The following NSMAF variants were observed in gnomAD, a reference collection of about 807,000 sequenced individuals.
NSMAF encodes the protein protein FAN.
Under a neutral mutation model 134.9 loss-of-function variants are expected in NSMAF, and 90 were observed. The ratio of observed to expected loss-of-function variants is 0.67; its 90% CI spans 0.56 to 0.79. NSMAF has a LOEUF of 0.79. NSMAF is among the 30% of genes least tolerant of loss of function. The pLI, the probability that NSMAF is intolerant of heterozygous loss-of-function variation, is 0.00. For missense variants in NSMAF, 1,010 were observed against 1,119.0 expected (o/e 0.90, Z 1.39); for synonymous variants, 358 against 389.6 (o/e 0.92, Z 0.96).
intron 6 of NSMAF, among the ~76,000 whole-genome samples, chr8:58,627,912 G>C (rs1166019860): frequency 2.6e-5 from 4 of 152,206 alleles, no homozygotes; most frequent in Non-Finnish European, 4.4e-5. Context: ...CACCAAAAAA[G>C]AGCCCAAATA....
chr8:58,597,928 T>G, intron 19 of NSMAF, 26 bp from the exon 20 acceptor site: 1 of 1,543,638 alleles, frequency 6.5e-7, no homozygotes, highest in Non-Finnish European at 9.0e-7. Context: ...AAAACACTAT[T>G]GAAAGATGTG....
At chr8:58,650,652 C>T (rs1054117733) in intron 1 of NSMAF, among the ~76,000 whole-genome samples, 1 of 152,132 alleles carries the variant, frequency 6.6e-6, no homozygotes, top group Non-Finnish European at 1.5e-5. Context: ...TCTTAAAATT[C>T]TAGGTTCTAT....
chr8:58,628,320 T>A (rs1190222284), intron 6 of NSMAF, among the ~76,000 whole-genome samples: 1 of 152,144 alleles, frequency 6.6e-6, no homozygotes, highest in Admixed American at 6.5e-5. Context: ...CTTTAGTGTA[T>A]CTTCTATAGG....
chr8:58,640,148 A>G, intron 2 of NSMAF: 2 of 444,194 alleles, frequency 4.5e-6, no homozygotes, highest in Non-Finnish European at 4.5e-6. Context: ...ATACCACATC[A>G]TACACTTGAA....
intron 22 of NSMAF, among the ~76,000 whole-genome samples, chr8:58,595,162 T>C (rs186453137): frequency 2.6e-4 from 40 of 152,310 alleles, no homozygotes; most frequent in Non-Finnish European, 5.3e-4. Flanking sequence ...GAGAGCTAAT[T>C]TTTTTAAAAG....
rs750073177 is a variant in NSMAF, at chr8:58,587,639, G to A, written c.2274C>T (p.Ala758=). ...GTKRHHFDLL[A]ELEHDVSVDT... ...TCACACTGACATCATGTTCCAGCTC[G>A]GCCAGCAAGTCAAAGTGGTGTCTTT... The change falls in exon 27 of 31, where the codon GCC becomes GCT. Residue 758 remains alanine (A), a synonymous_variant. Coordinates refer to ENST00000038176, the MANE Select transcript of NSMAF (RefSeq NM_003580.4). 1.3e-5 allele frequency: 21 copies of A among 1,613,940 alleles called. No homozygotes were observed. The highest frequency in any genetic ancestry group is 2.2e-5 in the East Asian group (1 of 44,898).
At position 58,594,283 on chromosome 8, in the gene NSMAF, TAA is replaced by T. The variant is rs1377938887; in HGVS notation, c.1898_1899del (p.Val633AspfsTer26). ...HEHYKIHKEA[V>X]TGITVSRNGS... ...CCATTGCGAGAGACCGTGATTCCAG[TAA>T]CTGCTCTGCTCAAAAACAAAGTTTC... On this transcript the variant is annotated frameshift_variant, in exon 23 of 31. Coordinates refer to ENST00000038176, the MANE Select transcript of NSMAF (RefSeq NM_003580.4). LOFTEE classifies it high-confidence loss of function. The T allele has an allele frequency of 6.2e-7, 1 of 1,614,036 alleles. No individual in the cohort carries two copies. Among genetic ancestry groups the T allele is most frequent in the Non-Finnish European group, 8.5e-7 (1 of 1,179,856 alleles).
chr8:58,606,264 C>T (rs1315221590), intron 11 of NSMAF, among the ~76,000 whole-genome samples: 1 of 152,066 alleles, frequency 6.6e-6, no homozygotes, highest in Non-Finnish European at 1.5e-5. Flanking sequence ...AAGATAGTAT[C>T]TCAGCTAAAC....
intron 2 of NSMAF, among the ~76,000 whole-genome samples, chr8:58,638,670 A>T (rs1224390450): frequency 6.6e-6 from 1 of 152,204 alleles, no homozygotes. Context: ...AAATTGTAAA[A>T]CTGCTGAAAG....
At chr8:58,652,511 T>C (rs1398507890) in intron 1 of NSMAF, among the ~76,000 whole-genome samples, 4 of 152,176 alleles carry the variant, frequency 2.6e-5, no homozygotes, top group Admixed American at 2.0e-4. Flanking sequence ...CCACACATGC[T>C]GAGCTGGGAT....
chr8:58,638,324 T>C (rs1297384555), intron 2 of NSMAF, among the ~76,000 whole-genome samples: 1 of 152,128 alleles, frequency 6.6e-6, no homozygotes, highest in Non-Finnish European at 1.5e-5. Context: ...GCATTACAGG[T>C]GCAAGCCACC....
rs562829566 is a variant in NSMAF, at chr8:58,604,775, ACT to A, written c.868+1150_868+1151del. Among the ~76,000 whole-genome samples, 12 of 152,126 alleles carry A rather than the reference ACT, an allele frequency of 7.9e-5. No individual in the cohort carries two copies. In the East Asian group the frequency reaches 2.3e-3, roughly 29 times the overall value. On this transcript the variant is annotated intron_variant, in intron 12 of 30. Transcript: ENST00000038176. ...GTTTGTTTTTTTGAGACAGGGTCTC[ACT>A]CTGTCACCCAGGCTGAATTGCAGTG...
chr8:58,654,901 C>A (rs1353779854), intron 1 of NSMAF, among the ~76,000 whole-genome samples: 1 of 152,170 alleles, frequency 6.6e-6, no homozygotes, highest in Non-Finnish European at 1.5e-5. Flanking sequence ...ATGGCACAAT[C>A]TCAGCTCACT....
chr8:58,653,944 C>A (rs112566612), intron 1 of NSMAF, among the ~76,000 whole-genome samples: 1 of 152,120 alleles, frequency 6.6e-6, no homozygotes, highest in Non-Finnish European at 1.5e-5. Flanking sequence ...AGTGGGTAGG[C>A]TAGTAATACA....
intron 9 of NSMAF, among the ~76,000 whole-genome samples, chr8:58,618,984 T>C (rs762947472): frequency 2.8e-4 from 42 of 152,156 alleles, no homozygotes; most frequent in Non-Finnish European, 5.4e-4. Flanking sequence ...CAGTGAACTA[T>C]TTTTTAAATG....
intron 11 of NSMAF, among the ~76,000 whole-genome samples, chr8:58,607,523 A>C (rs1029518724): frequency 2.0e-5 from 3 of 152,250 alleles, no homozygotes; most frequent in Admixed American, 6.5e-5. Flanking sequence ...ACTCAAGGGC[A>C]CTCTAGCCCT....
At chr8:58,585,593 G>A (rs1805863460) in intron 30 of NSMAF, 59 bp downstream of exon 30, 1 of 1,231,886 alleles carries the variant, frequency 8.1e-7, no homozygotes, top group Non-Finnish European at 1.2e-6. Context: ...GATGGAAAAG[G>A]CAGGCTTGAG....
intron 23 of NSMAF, chr8:58,591,158 A>C: frequency 2.7e-6 from 1 of 367,206 alleles, no homozygotes; most frequent in Non-Finnish European, 4.7e-6. Flanking sequence ...CAATTTAAAA[A>C]TCCAGCACAG....
At chr8:58,649,081 G>C (rs1807525180) in intron 1 of NSMAF, among the ~76,000 whole-genome samples, 2 of 152,202 alleles carry the variant, frequency 1.3e-5, no homozygotes, top group African/African-American at 2.4e-5. Context: ...AGCCAAGTGG[G>C]CTGCACCCTT....
Sources: gnomAD v4.1 joint callset for allele counts (sites outside exome capture counted in the v4.1 genomes callset) on GRCh38, gnomAD v4.1.1 for gene constraint, MANE v1.5 for transcripts, NCBI Gene and HGNC (gene_info 2026-07-23, HGNC 2026-07-21) for gene names.